Variants in EEPD1 observed in about 807,000 individuals in gnomAD.
EEPD1 encodes endonuclease/exonuclease/phosphatase family domain containing 1.
EEPD1 carries 17 observed loss-of-function variants against 46.3 expected under a neutral mutation model. The observed-to-expected ratio is 0.37, with a 90% CI of 0.25 to 0.55. The LOEUF (loss-of-function observed/expected upper bound fraction) is 0.55. Among genes scored for constraint, EEPD1 ranks in the 20% least tolerant of loss-of-function variants. The probability of loss-of-function intolerance (pLI) is 0.83; values close to 1 mark genes in which losing one functional copy is unlikely to be tolerated. For missense variants in EEPD1, 673 were observed against 745.6 expected, an observed-to-expected ratio of 0.90 and a Z score of 1.13; for synonymous variants, 313 against 315.6, an observed-to-expected ratio of 0.99 and a Z score of 0.09.
At chr7:36,239,122 A>T in intron 3 of EEPD1, 86 bp downstream of exon 3, 1 of 1,297,398 alleles carries the variant, frequency 7.7e-7, no homozygotes, top group South Asian at 1.3e-5. Context: ...GTCACCAGAG[A>T]CAGCCCCTAC....
chr7:36,155,262 T>C, intron 2 of EEPD1, 60 bp downstream of exon 2: 1 of 1,468,990 alleles, frequency 6.8e-7, no homozygotes, highest in South Asian at 1.5e-5. Flanking sequence ...TGACCTCATC[T>C]ATGGATGCAA....
intron 2 of EEPD1, among the ~76,000 whole-genome samples, chr7:36,180,736 A>G (rs776777834): frequency 6.6e-6 from 1 of 152,086 alleles, no homozygotes; most frequent in Non-Finnish European, 1.5e-5. Context: ...AGCTGGTTCC[A>G]ATTCTGGACT....
At chr7:36,239,108 C>A in intron 3 of EEPD1, 72 bp downstream of exon 3, 2 of 1,451,116 alleles carry the variant, frequency 1.4e-6, no homozygotes, top group East Asian at 2.3e-5. Flanking sequence ...AAATTCAACT[C>A]CCTGTCACCA....
intron 2 of EEPD1, among the ~76,000 whole-genome samples, chr7:36,164,711 T>C (rs1337932728): frequency 6.6e-6 from 1 of 152,204 alleles, no homozygotes; most frequent in African/African-American, 2.4e-5. Flanking sequence ...AGTAATATTT[T>C]GGTCAATGAT....
chr7:36,272,693 T>G (rs914770003), intron 3 of EEPD1, among the ~76,000 whole-genome samples: 1 of 152,136 alleles, frequency 6.6e-6, no homozygotes, highest in Non-Finnish European at 1.5e-5. Flanking sequence ...TGGCGGGGGC[T>G]GAGGAAATGT....
intron 3 of EEPD1, among the ~76,000 whole-genome samples, chr7:36,248,364 C>T (rs1786675129): frequency 6.6e-6 from 1 of 151,778 alleles, no homozygotes; most frequent in Non-Finnish European, 1.5e-5. Flanking sequence ...CACCACCACA[C>T]CCAGCTAATT....
rs761881164 is a variant in EEPD1, at chr7:36,154,599, A to T, written c.275A>T (p.Glu92Val). Residue 92 changes from glutamate to valine, a missense_variant, in exon 2 of 8, where the codon GAG (glutamate) becomes GTG (valine). Physicochemically the swap from Glu to Val is moderately radical, Grantham distance 121. Transcript: ENST00000242108. The surrounding 1 kb of genome is among the most constrained non-coding windows in gnomAD (Gnocchi z 4.2). ...AGTGGTGTAGGCGCCACCAAGCTGG[A>T]GCAGGTCAAGTTTGAGATCTGTGTG... ...LVSGVGATKL[E>V]QVKFEICVSS... is the part of the protein sequence containing the mutation. 3 of 1,613,930 alleles carry T rather than the reference A, an allele frequency of 1.9e-6. No homozygotes were observed. Among genetic ancestry groups the T allele is most frequent in the African/African-American group, 2.7e-5 (2 of 74,860 alleles).
rs896285124 is a variant in EEPD1 at position 36,299,728 on chromosome 7, C to T, written c.*522C>T. The T allele has an allele frequency of 6.3e-5, 10 of 157,746 alleles. No homozygotes were observed. The highest frequency in any genetic ancestry group is 3.7e-4 in the Admixed American group (6 of 16,190). The allele number at this position is 157,746 out of a possible 1,614,324, so 9.8% of individuals were successfully genotyped here. On this transcript the variant is annotated 3_prime_UTR_variant, in exon 8 of 8. Transcript: ENST00000242108. ...AAAAAATAAACAGATTAACCTGCCT[C>T]GCTGCAGTGAGAGCATGGGACAAGT...
intron 2 of EEPD1, among the ~76,000 whole-genome samples, chr7:36,186,718 T>TCCC (rs1231282712): frequency 2.0e-5 from 3 of 152,254 alleles, no homozygotes; most frequent in Non-Finnish European, 4.4e-5. Context: ...CATGAATGTG[T>TCCC]ACTCACGTGG....
chr7:36,215,367 G>A (rs894496322), intron 2 of EEPD1, among the ~76,000 whole-genome samples: 3 of 152,234 alleles, frequency 2.0e-5, no homozygotes, highest in Non-Finnish European at 4.4e-5. Context: ...CTTTTAAGGG[G>A]CCCAACCTTT....
At chr7:36,197,057 G>C (rs6462659) in intron 2 of EEPD1, among the ~76,000 whole-genome samples, 1 of 138,534 alleles carries the variant, frequency 7.2e-6, no homozygotes, top group African/African-American at 2.7e-5. Context: ...GCCTCGGCCC[G>C]GCCACGACCC....
At chr7:36,188,165 A>G (rs1292556267) in intron 2 of EEPD1, among the ~76,000 whole-genome samples, 1 of 152,170 alleles carries the variant, frequency 6.6e-6, no homozygotes, top group African/African-American at 2.4e-5. Flanking sequence ...ATTTACACCA[A>G]TATTCAATGG....
intron 3 of EEPD1, among the ~76,000 whole-genome samples, chr7:36,254,303 A>G (rs1786795975): frequency 6.6e-6 from 1 of 152,070 alleles, no homozygotes; most frequent in African/African-American, 2.4e-5. Flanking sequence ...GACAGGCCCC[A>G]GTATGTGATG....
At position 36,235,363 on chromosome 7, in the gene EEPD1, G is replaced by C. The variant is rs115647520; in HGVS notation, c.879-3622G>C. ...TCTGTCACCCTGGTTGCTGGCTGTA[G>C]CCTCAGTTCAGGCACCTGCACTGGA... is the stretch of plus-strand genomic sequence containing the variant. On this transcript the variant is annotated intron_variant, in intron 2 of 7. Coordinates refer to ENST00000242108, the MANE Select transcript of EEPD1 (RefSeq NM_030636.3). Among the ~76,000 whole-genome samples the C allele has an allele frequency of 5.7e-3, 871 of 152,372 alleles. 6 individuals are homozygous for C. The highest frequency in any genetic ancestry group is 0.02 in the African/African-American group (828 of 41,588).
chr7:36,268,446 A>G (rs1373500190), intron 3 of EEPD1, among the ~76,000 whole-genome samples: 1 of 152,118 alleles, frequency 6.6e-6, no homozygotes, highest in Non-Finnish European at 1.5e-5. Context: ...GGCATGAGCC[A>G]CCTTACCCAG....
intron 2 of EEPD1, among the ~76,000 whole-genome samples, chr7:36,157,907 T>C (rs1306899045): frequency 6.6e-6 from 1 of 152,112 alleles, no homozygotes; most frequent in Non-Finnish European, 1.5e-5. Context: ...TCTCTCCCCT[T>C]CCAATTGTTC....
chr7:36,178,312 T>C (rs1785218414), intron 2 of EEPD1, among the ~76,000 whole-genome samples: 1 of 152,208 alleles, frequency 6.6e-6, no homozygotes, highest in African/African-American at 2.4e-5. Flanking sequence ...CAGCCTCTCC[T>C]AGCCACACGC....
intron 3 of EEPD1, among the ~76,000 whole-genome samples, chr7:36,263,768 G>T (rs188761139): frequency 1.3e-5 from 2 of 152,324 alleles, no homozygotes; most frequent in African/African-American, 4.8e-5. Flanking sequence ...TAGCAGGTAA[G>T]TTCTGTCTTC....
chr7:36,193,694 G>A lies in EEPD1; in HGVS notation c.878+38492G>A, dbSNP rs1785523315. Among the ~76,000 whole-genome samples, 1 of 152,176 alleles carries A rather than the reference G, an allele frequency of 6.6e-6. No individual in the cohort carries two copies. Among genetic ancestry groups the A allele is most frequent in the African/African-American group, 2.4e-5 (1 of 41,448 alleles). On this transcript the variant is annotated intron_variant, in intron 2 of 7. Coordinates refer to ENST00000242108, the MANE Select transcript of EEPD1 (RefSeq NM_030636.3). This position sits in a 1 kb window ranked among gnomAD's most constrained non-coding sequence, Gnocchi z 4.9. ...TTGGCCTTCAGTGAGGGGCAGTCTT[G>A]ATCAAGAAAATGTTCCTAGGGCTAT...
Sources: gnomAD v4.1 joint callset for allele counts (sites outside exome capture counted in the v4.1 genomes callset) on GRCh38, gnomAD v4.1.1 for gene constraint, Gnocchi (gnomAD v3.1) non-coding constraint, MANE v1.5 for transcripts, NCBI Gene and HGNC (gene_info 2026-07-23, HGNC 2026-07-21) for gene names.